YLPM1: variants seen among roughly 807,000 people sequenced by gnomAD.
The protein encoded by YLPM1 is YLP motif-containing protein 1.
In YLPM1, 99 loss-of-function variants were observed where a neutral mutation model predicts 230.0. The observed-to-expected ratio is 0.43, with a 90% CI of 0.37 to 0.51. YLPM1 has a LOEUF of 0.51. YLPM1 is among the 20% of genes least tolerant of loss of function. The pLI, the probability that YLPM1 is intolerant of heterozygous loss-of-function variation, is 0.00. For missense variants in YLPM1, 2,592 were observed against 2,707.7 expected (o/e 0.96, Z 0.95); for synonymous variants, 984 against 942.5 (o/e 1.04, Z -0.81).
In YLPM1 at chr14:74,798,874, T is replaced by G. The variant is rs1449971233; in HGVS notation, c.3577T>G (p.Trp1193Gly). 1 of 1,613,832 alleles carries G rather than the reference T, an allele frequency of 6.2e-7. No individual in the cohort carries two copies. The highest frequency in any genetic ancestry group is 8.5e-7 in the Non-Finnish European group (1 of 1,179,838). Residue 1193 changes from tryptophan (W) to glycine (G), a missense_variant, in exon 5 of 21, where the codon TGG becomes GGG. Physicochemically the swap from Trp to Gly is radical, Grantham distance 184. Around this residue, in one of 4 missense-constraint regions of YLPM1, gnomAD observed 1,862 missense variants for 1,819.8 expected, o/e 1.02. Transcript: ENST00000325680. ...YHRDEPPRAP[W>G]NHGEERGHEE... ...CCGGGATGAGCCTCCTAGGGCTCCA[T>G]GGAACCATGGAGAAGAGCGAGGGCA... is the stretch of plus-strand genomic sequence containing the variant.
rs1019277516 is a variant in YLPM1, at chr14:74,809,254, G to A, written c.4522-126G>A. The A allele has an allele frequency of 1.4e-5, 19 of 1,311,054 alleles. No homozygotes were observed. In the Middle Eastern group the frequency reaches 1.3e-3, roughly 90 times the overall value. The allele number at this position is 1,311,054 out of a possible 1,614,324, so 81.2% of individuals were successfully genotyped here. ...TTTTTGATGGTATGTTTTGAAGCAC[G>A]AAATTTTGAATGAGTCCAAGGTGTT... is the stretch of plus-strand genomic sequence containing the variant. On this transcript the variant is annotated intron_variant, in intron 6 of 20. Transcript: ENST00000325680.
rs371578628 is a variant in YLPM1, at chr14:74,799,260, A to T, written c.3963A>T (p.Ser1321=). Residue 1321 remains serine, a synonymous_variant, in exon 5 of 21, where the codon TCA becomes TCT. Transcript: ENST00000325680. Reference sequence around the variant, plus strand: ...GGAGACCACTGGATGAACAAGAATCACAGTTTCGTGAACGGGATATTCCAT... The same window carrying T: ...GGAGACCACTGGATGAACAAGAATCTCAGTTTCGTGAACGGGATATTCCAT... ...DYGRPLDEQE[S]QFRERDIPSL... The T allele has an allele frequency of 6.2e-7, 1 of 1,614,040 alleles. No homozygotes were observed. The highest frequency in any genetic ancestry group is 1.1e-5 in the South Asian group (1 of 91,086).
intron 4 of YLPM1, among the ~76,000 whole-genome samples, chr14:74,783,057 T>C (rs2091111590): frequency 6.6e-6 from 1 of 152,188 alleles, no homozygotes; most frequent in Admixed American, 6.5e-5. Context: ...ATGATAACTT[T>C]TCTATGGAAA....
intron 11 of YLPM1, 33 bp from the exon 12 acceptor site, chr14:74,816,170 A>ATT (rs5809679): frequency 3.1e-5 from 44 of 1,401,158 alleles, no homozygotes; most frequent in African/African-American, 1.3e-4. Context: ...TCTCTCAGTG[A>ATT]TTTTTTTTTT....
rs775213601 is a variant in YLPM1, at chr14:74,799,256, A to C, written c.3959A>C (p.Glu1320Ala). The change falls in exon 5 of 21, where the codon GAA becomes GCA. Residue 1320 changes from glutamate (E) to alanine (A), a missense_variant. This residue lies in a region of YLPM1 where 1,862 missense variants were observed against 1,819.8 expected (regional missense o/e 1.02). Transcript: ENST00000325680. ...TATGGGAGACCACTGGATGAACAAG[A>C]ATCACAGTTTCGTGAACGGGATATT... ...RDYGRPLDEQ[E>A]SQFRERDIPS... 1 of 1,614,060 alleles carries C rather than the reference A, an allele frequency of 6.2e-7. No individual in the cohort carries two copies. Among genetic ancestry groups the C allele is most frequent in the South Asian group, 1.1e-5 (1 of 91,088 alleles).
chr14:74,779,923 C>T (rs909521366), intron 2 of YLPM1, among the ~76,000 whole-genome samples: 3 of 152,080 alleles, frequency 2.0e-5, no homozygotes, highest in African/African-American at 4.8e-5. Flanking sequence ...CCGGCCTCAG[C>T]CTCCCAAGTA....
chr14:74,769,259 CTTTTTTTTTTTT>C (rs34023289), intron 1 of YLPM1, among the ~76,000 whole-genome samples: 3,867 of 38,472 alleles, frequency 0.1, 220 homozygotes, highest in East Asian at 0.21. Context: ...GTATTTTTAT[CTTTTTTTTTTTT>C]TTTTTTTTTT....
At chr14:74,770,296 C>G (rs2090965237) in intron 1 of YLPM1, among the ~76,000 whole-genome samples, 4 of 151,164 alleles carry the variant, frequency 2.6e-5, no homozygotes, top group Non-Finnish European at 4.4e-5. Flanking sequence ...CCACTGCACT[C>G]TAGCCTGGGC....
At position 74,799,830 on chromosome 14, in the gene YLPM1, T is replaced by C. The variant is rs968832567; in HGVS notation, c.4400+133T>C. 4.1e-5 allele frequency: 56 copies of C among 1,364,594 alleles called. 1 individual carries two copies. Among genetic ancestry groups the C allele is most frequent in the Non-Finnish European group, 5.2e-5 (54 of 1,037,358 alleles). 84.5% of individuals were successfully genotyped at this position (1,364,594 alleles called of 1,614,324 possible). On this transcript the variant is annotated intron_variant, in intron 5 of 20. Coordinates refer to ENST00000325680, the MANE Select transcript of YLPM1 (RefSeq NM_019589.3). ...ATCACATACTTTTAATTTATATTTC[T>C]GGTCATTCAGTGCTGTTTTAGGGTT...
At position 74,810,267 on chromosome 14, in the gene YLPM1, G is replaced by A. The variant is rs772044414; in HGVS notation, c.5075G>A (p.Arg1692His). ...GATCGTTATGATAGAGAAAGAGATC[G>A]TGAGCCTTATTTTGATCGTCAAAGT... ...QRDRYDRERD[R>H]EPYFDRQSNV... is the part of the protein sequence containing the mutation. Residue 1692 changes from arginine (R) to histidine (H), a missense_variant, in exon 9 of 21, where the codon CGT (arginine) becomes CAT (histidine). Physicochemically the swap from Arg to His is conservative, Grantham distance 29. Around this residue, in one of 4 missense-constraint regions of YLPM1, gnomAD observed 403 missense variants for 426.7 expected, o/e 0.94. Coordinates refer to ENST00000325680, the MANE Select transcript of YLPM1 (RefSeq NM_019589.3). 24 of 1,613,610 alleles carry A rather than the reference G, an allele frequency of 1.5e-5. No homozygotes were observed. The highest frequency in any genetic ancestry group is 1.1e-4 in the East Asian group (5 of 44,872).
chr14:74,809,273 A>T, intron 6 of YLPM1, 107 bp from the exon 7 acceptor site: 2 of 1,438,640 alleles, frequency 1.4e-6, no homozygotes, highest in Non-Finnish European at 1.8e-6. Flanking sequence ...AATGAGTCCA[A>T]GGTGTTAACT....
chr14:74,804,323 C>T (rs1387453770), intron 6 of YLPM1, among the ~76,000 whole-genome samples: 2 of 152,212 alleles, frequency 1.3e-5, no homozygotes, highest in South Asian at 2.1e-4. Context: ...GGCTTTAAAA[C>T]TTCAATGTTC....
chr14:74,805,364 T>C (rs992051120), intron 6 of YLPM1, among the ~76,000 whole-genome samples: 3 of 151,520 alleles, frequency 2.0e-5, no homozygotes, highest in African/African-American at 7.3e-5. Context: ...TTTTGTCTCT[T>C]TTTTTTTGCT....
chr14:74,821,511 A>C (rs914344456), intron 17 of YLPM1: 1 of 156,056 alleles, frequency 6.4e-6, no homozygotes, highest in African/African-American at 2.4e-5. Context: ...TCTTTGCTAC[A>C]AGATCTCCAA....
At chr14:74,824,176 A>G (rs1256129884) in intron 17 of YLPM1, 80 bp from the exon 18 acceptor site, 41 of 1,393,704 alleles carry the variant, frequency 2.9e-5, no homozygotes, top group Non-Finnish European at 4.1e-5. Flanking sequence ...TCCCAGTTTT[A>G]ATGCTTTTCC....
intron 5 of YLPM1, among the ~76,000 whole-genome samples, chr14:74,802,340 A>G (rs1314498095): frequency 6.6e-6 from 1 of 152,182 alleles, no homozygotes; most frequent in Non-Finnish European, 1.5e-5. Flanking sequence ...AATATCTTCA[A>G]TAATTTATAA....
In YLPM1 at chr14:74,797,973, T is replaced by G; in HGVS notation, c.2676T>G (p.Asp892Glu). The change falls in exon 5 of 21, where the codon GAT (aspartate) becomes GAG (glutamate). Residue 892 changes from aspartate (D) to glutamate (E), a missense_variant. Asp to Glu is a conservative substitution (Grantham distance 45). Transcript: ENST00000325680. Reference sequence around the variant, plus strand: ...TTTCCATTGCTGCAGATGTAAAGGATGTCAAGGCGGCTCAGTCAAATGAGA... The same window carrying G: ...TTTCCATTGCTGCAGATGTAAAGGAGGTCAAGGCGGCTCAGTCAAATGAGA... ...AAFSIAADVK[D>E]VKAAQSNENL... The G allele has an allele frequency of 6.2e-7, 1 of 1,613,786 alleles. No homozygotes were observed. The highest frequency in any genetic ancestry group is 8.5e-7 in the Non-Finnish European group (1 of 1,179,842).
chr14:74,805,002 G>T (rs1280482456), intron 6 of YLPM1, among the ~76,000 whole-genome samples: 1 of 149,646 alleles, frequency 6.7e-6, no homozygotes, highest in Admixed American at 6.7e-5. Flanking sequence ...TCTTATTTTA[G>T]ATAACTCCTT....
Position 74,797,664 on chromosome 14 carries a change from C to T in YLPM1, c.2367C>T (p.Arg789=), listed in dbSNP as rs989300190. ...AAGGGCCTCGTTTTGAAGGAAATCG[C>T]CCCGATGGGCCAAGACCCAGATATG... The part of the protein sequence containing the change: ...RPKGPRFEGN[R]PDGPRPRYEG... Residue 789 remains arginine, a synonymous_variant, in exon 5 of 21, where the codon CGC becomes CGT. Transcript: ENST00000325680. The T allele has an allele frequency of 1.9e-6, 3 of 1,598,080 alleles. No individual in the cohort carries two copies. The highest frequency in any genetic ancestry group is 2.6e-6 in the Non-Finnish European group (3 of 1,171,104).
Sources: allele counts gnomAD v4.1 joint callset (sites outside exome capture counted in the v4.1 genomes callset), GRCh38; gene constraint gnomAD v4.1.1; regional missense constraint gnomAD v4.1.1; transcripts MANE v1.5; gene names NCBI Gene and HGNC (gene_info 2026-07-23, HGNC 2026-07-21).